ANK2: variants seen among roughly 807,000 people sequenced by gnomAD.
The protein encoded by ANK2 is ankyrin-2.
Under a neutral mutation model 360.5 loss-of-function variants are expected in ANK2, and 83 were observed. That is an observed-to-expected ratio of 0.23 (90% CI 0.19 to 0.28). ANK2 has a LOEUF of 0.28. ANK2 is among the 10% of genes least tolerant of loss of function. The probability of loss-of-function intolerance (pLI) is 1.00; values close to 1 mark genes in which losing one functional copy is unlikely to be tolerated. For missense variants in ANK2, 4,201 were observed against 4,795.7 expected (o/e 0.88, Z 3.66); for synonymous variants, 1,740 against 1,759.5 (o/e 0.99, Z 0.28).
At chr4:113,367,449 T>C in intron 41 of ANK2, 117 bp from the exon 42 acceptor site, 1 of 958,344 alleles carries the variant, frequency 1.0e-6, no homozygotes, top group Non-Finnish European at 1.6e-6. Context: ...TGGGCCCATC[T>C]CAGGATGTAG....
intron 14 of ANK2, among the ~76,000 whole-genome samples, chr4:113,267,114 A>G (rs976995851): frequency 1.3e-5 from 2 of 152,174 alleles, no homozygotes; most frequent in Non-Finnish European, 2.9e-5. Context: ...TTTTTCTCGT[A>G]AATTTGTTTA....
intron 4 of ANK2, among the ~76,000 whole-genome samples, chr4:113,222,171 T>TACTA (rs1257408686): frequency 6.6e-6 from 1 of 152,226 alleles, no homozygotes; most frequent in Non-Finnish European, 1.5e-5. Flanking sequence ...TCTCTCTTCT[T>TACTA]ACTAACACCA....
chr4:112,714,539 G>A, the ANK2 span, among the ~76,000 whole-genome samples: 3 of 152,258 alleles, frequency 2.0e-5, no homozygotes, highest in African/African-American at 7.2e-5. Context: ...TACAAGACAA[G>A]CACTCATTTC....
At chr4:112,828,232 C>CTT (rs751771907) in intron 1 of ANK2, among the ~76,000 whole-genome samples, 13,924 of 109,432 alleles carry the variant, frequency 0.13, 1,859 homozygotes, top group East Asian at 0.49. Flanking sequence ...GAATTACGGA[C>CTT]TTTTTTTTTT....
At chr4:112,816,013 C>T (rs924298385), upstream of ANK2, among the ~76,000 whole-genome samples, 2 of 152,192 alleles carry the variant, frequency 1.3e-5, no homozygotes, top group Non-Finnish European at 2.9e-5. Flanking sequence ...GTCGTGGGAA[C>T]CCCCAATTTG....
At chr4:113,339,430 G>A in intron 32 of ANK2, 108 bp downstream of exon 32, 3 of 894,950 alleles carry the variant, frequency 3.4e-6, no homozygotes, top group Non-Finnish European at 1.8e-6. Flanking sequence ...TTTTTCATTG[G>A]ATTTTAAATA....
At chr4:112,885,690 G>T (rs1196922357) in intron 1 of ANK2, among the ~76,000 whole-genome samples, 1 of 148,910 alleles carries the variant, frequency 6.7e-6, no homozygotes, top group Non-Finnish European at 1.5e-5. Context: ...CCAGCTACTC[G>T]GAAGGCTGTG....
chr4:113,137,645 C>A, intron 1 of ANK2, among the ~76,000 whole-genome samples: 1 of 152,224 alleles, frequency 6.6e-6, no homozygotes, highest in East Asian at 1.9e-4. Context: ...CTTCCTCTTT[C>A]CTTCTTCCTT....
chr4:113,215,028 C>T (rs191982635), intron 4 of ANK2, among the ~76,000 whole-genome samples: 2 of 152,016 alleles, frequency 1.3e-5, no homozygotes, highest in African/African-American at 2.4e-5. Flanking sequence ...AATCATACCC[C>T]TTAAAAATGT....
At chr4:112,850,055 C>T (rs2064295078) in intron 1 of ANK2, among the ~76,000 whole-genome samples, 1 of 152,078 alleles carries the variant, frequency 6.6e-6, no homozygotes, top group South Asian at 2.1e-4. Context: ...CTTTGGATTT[C>T]AAGATTTATA....
chr4:112,771,398 G>A, the ANK2 span, among the ~76,000 whole-genome samples: 6 of 152,126 alleles, frequency 3.9e-5, no homozygotes, highest in South Asian at 6.2e-4. Context: ...GATTACAGGC[G>A]TGAGCCACCA....
intron 1 of ANK2, among the ~76,000 whole-genome samples, chr4:112,862,918 A>G (rs2068635268): frequency 6.6e-6 from 1 of 152,166 alleles, no homozygotes; most frequent in Admixed American, 6.5e-5. Context: ...CATTTATTCT[A>G]GAGGATTCAG....
At chr4:112,871,336 C>A (rs2072949274) in intron 1 of ANK2, among the ~76,000 whole-genome samples, 1 of 152,112 alleles carries the variant, frequency 6.6e-6, no homozygotes, top group African/African-American at 2.4e-5. Context: ...TAGGCGCACG[C>A]CGCTATGCCC....
chr4:113,145,120 CAT>C lies in ANK2; in HGVS notation c.85-29295_85-29294del, dbSNP rs1236829158. Among the ~76,000 whole-genome samples, 4 of 152,254 alleles carry C rather than the reference CAT, an allele frequency of 2.6e-5. No individual in the cohort carries two copies. In the East Asian group the frequency reaches 5.8e-4, roughly 22 times the overall value. On this transcript the variant is annotated intron_variant, in intron 1 of 45. Transcript: ENST00000357077. The stretch of plus-strand genomic sequence containing the variant: ...ATAAATGAATCAACATGTTTGCTCT[CAT>C]GTGGCACAATCATGAATAATGACAA...
intron 45 of ANK2, among the ~76,000 whole-genome samples, chr4:113,377,161 A>G (rs2096976705): frequency 6.6e-6 from 1 of 152,176 alleles, no homozygotes; most frequent in Non-Finnish European, 1.5e-5. Flanking sequence ...TATTTACCGT[A>G]CATAAACCAG....
chr4:112,857,395 A>G (rs1463904895), intron 1 of ANK2, among the ~76,000 whole-genome samples: 3 of 152,226 alleles, frequency 2.0e-5, no homozygotes, highest in Admixed American at 6.5e-5. Flanking sequence ...CAGAGTCACC[A>G]TAAACATATT....
chr4:112,737,429 A>G, the ANK2 span, among the ~76,000 whole-genome samples: 34 of 152,236 alleles, frequency 2.2e-4, no homozygotes, highest in Non-Finnish European at 5.9e-5. Flanking sequence ...CCTATCCTCT[A>G]TCTCAATTAT....
chr4:113,348,085 T>G, intron 35 of ANK2, 191 bp from the exon 36 acceptor site: 1 of 611,746 alleles, frequency 1.6e-6, no homozygotes, highest in Non-Finnish European at 2.9e-6. Flanking sequence ...ATAAACTTTG[T>G]ACTTAAGCCA....
At chr4:113,368,536 C>T (rs1481785322) in intron 42 of ANK2, among the ~76,000 whole-genome samples, 3 of 152,114 alleles carry the variant, frequency 2.0e-5, no homozygotes, top group Non-Finnish European at 4.4e-5. Flanking sequence ...TAAGTTCCGG[C>T]CTTTATGGAA....
Sources: gnomAD v4.1 joint callset for allele counts (sites outside exome capture counted in the v4.1 genomes callset) on GRCh38, gnomAD v4.1.1 for gene constraint, MANE v1.5 for transcripts, NCBI Gene and HGNC (gene_info 2026-07-23, HGNC 2026-07-21) for gene names.